Variants in CCDC197 observed in about 807,000 individuals in gnomAD.
CCDC197 encodes the protein coiled-coil domain containing 197, also known as uncharacterized protein CCDC197.
Under a neutral mutation model 13.4 loss-of-function variants are expected in CCDC197, and 24 were observed. The ratio of observed to expected loss-of-function variants is 1.80; its 90% CI spans 1.30 to 2.53. CCDC197 has a LOEUF of 2.53. Ranked by LOEUF, CCDC197 falls within the 30% of genes most tolerant of loss-of-function variation. The pLI, the probability that CCDC197 is intolerant of heterozygous loss-of-function variation, is 0.00. For synonymous variants in CCDC197, 99 were observed against 55.5 expected (o/e 1.78, Z -3.48); for missense variants, 255 against 148.8 (o/e 1.71, Z -3.71).
In CCDC197 at chr14:94,003,302, T is replaced by A. The variant is rs764423332; in HGVS notation, c.446T>A (p.Ile149Asn). Residue 149 changes from isoleucine (I) to asparagine (N), a missense_variant, in exon 5 of 7, where the codon ATC (isoleucine) becomes AAC (asparagine). Coordinates refer to ENST00000636493, the MANE Select transcript of CCDC197 (RefSeq NM_001351596.2). The surrounding 1 kb of genome is among the most constrained non-coding windows in gnomAD (Gnocchi z 5.0). ...QEQWWQLKHS[I>N]TYQKDIDFDT... The stretch of plus-strand genomic sequence containing the variant: ...CAGTGGTGGCAGCTGAAGCACAGCA[T>A]CACTTACCAGAAGGACATTGACTTT... The A allele has an allele frequency of 1.4e-6, 1 of 717,594 alleles. No homozygotes were observed. Among genetic ancestry groups the A allele is most frequent in the Non-Finnish European group, 2.6e-6 (1 of 378,444 alleles). 44.5% of individuals were successfully genotyped at this position (717,594 alleles called of 1,614,324 possible).
At chr14:94,008,405 G>A (rs1208109316) in intron 6 of CCDC197, among the ~76,000 whole-genome samples, 1 of 152,172 alleles carries the variant, frequency 6.6e-6, no homozygotes, top group Non-Finnish European at 1.5e-5. Flanking sequence ...TGTCACTCCT[G>A]GCTGTGCCAC....
rs1346531091 is a variant in CCDC197, at chr14:94,003,180, G to A, written c.367-43G>A. The stretch of plus-strand genomic sequence containing the variant: ...GGACTCAGACCAGGGCATATGCCCT[G>A]GAGGGTTTGTTGTACCAAGATGGCC... On this transcript the variant is annotated intron_variant, in intron 4 of 6. Transcript: ENST00000636493. The surrounding 1 kb of genome is among the most constrained non-coding windows in gnomAD (Gnocchi z 5.0). The A allele has an allele frequency of 2.6e-6, 2 of 769,876 alleles. No homozygotes were observed. Among genetic ancestry groups the A allele is most frequent in the Admixed American group, 1.7e-5 (1 of 58,342 alleles). 47.7% of individuals were successfully genotyped at this position (769,876 alleles called of 1,614,324 possible).
At chr14:93,987,835 A>C (rs1053185197) in intron 1 of CCDC197, among the ~76,000 whole-genome samples, 16 of 151,456 alleles carry the variant, frequency 1.1e-4, no homozygotes, top group African/African-American at 3.6e-4. Context: ...GCACAAATTA[A>C]ATGCCATGAG....
chr14:94,010,499 C>T (rs1890789960), downstream of CCDC197, among the ~76,000 whole-genome samples: 1 of 152,220 alleles, frequency 6.6e-6, no homozygotes, highest in African/African-American at 2.4e-5. Flanking sequence ...CCACTGTGCC[C>T]AGTGAGTAGT....
chr14:93,998,650 A>G (rs1890396899), intron 2 of CCDC197, among the ~76,000 whole-genome samples: 1 of 152,214 alleles, frequency 6.6e-6, no homozygotes, highest in South Asian at 2.1e-4. Context: ...GCTACCCACA[A>G]AAGCCTGAAT....
chr14:93,987,676 C>G (rs1006663971), intron 1 of CCDC197, among the ~76,000 whole-genome samples: 1 of 152,188 alleles, frequency 6.6e-6, no homozygotes, highest in Non-Finnish European at 1.5e-5. Context: ...GCCCCAGGTC[C>G]TCACCTGTGA....
At chr14:94,005,022 C>A in intron 6 of CCDC197, 51 bp downstream of exon 6, 1 of 688,520 alleles carries the variant, frequency 1.5e-6, no homozygotes, top group Non-Finnish European at 2.7e-6. Flanking sequence ...AGGCAAGACT[C>A]CAACTTGAGC....
chr14:93,999,778 G>A (rs1327116100), intron 3 of CCDC197, 113 bp downstream of exon 3: 1 of 694,722 alleles, frequency 1.4e-6, no homozygotes, highest in East Asian at 2.5e-5. Flanking sequence ...TCTACAGAAT[G>A]GGAATCCACA....
chr14:94,011,308 C>T (rs1890803918), downstream of CCDC197, among the ~76,000 whole-genome samples: 1 of 152,234 alleles, frequency 6.6e-6, no homozygotes, highest in Non-Finnish European at 1.5e-5. Flanking sequence ...GCCTGCTGTG[C>T]ACCTGTCGTG....
chr14:94,004,995 G>A, intron 6 of CCDC197, 24 bp downstream of exon 6: 1 of 699,614 alleles, frequency 1.4e-6, no homozygotes, highest in Non-Finnish European at 2.6e-6. Context: ...GATGGCTGCG[G>A]GGCTCCTGAC....
intron 2 of CCDC197, 137 bp from the exon 3 acceptor site, chr14:93,999,446 C>A (rs1890421914): frequency 1.1e-5 from 7 of 645,654 alleles, no homozygotes; most frequent in Non-Finnish European, 1.9e-5. Flanking sequence ...AAGTCTATGG[C>A]CAACTGATAA....
At chr14:93,991,710 C>T (rs4905132) in intron 1 of CCDC197, among the ~76,000 whole-genome samples, 1 of 151,962 alleles carries the variant, frequency 6.6e-6, no homozygotes, top group Non-Finnish European at 1.5e-5. Flanking sequence ...GGGTAAGCTG[C>T]GGTTGCGGTA....
chr14:93,990,508 C>G (rs1037234148), intron 1 of CCDC197, among the ~76,000 whole-genome samples: 16 of 152,224 alleles, frequency 1.1e-4, no homozygotes, highest in South Asian at 2.1e-4. Flanking sequence ...CTGAGCCACT[C>G]TCAGTTCCTG....
At chr14:93,995,071 C>A (rs1436468490), upstream of CCDC197, among the ~76,000 whole-genome samples, 2 of 152,170 alleles carry the variant, frequency 1.3e-5, no homozygotes, top group African/African-American at 2.4e-5. Flanking sequence ...GATGAATGAA[C>A]CCCTGCATGG....
At chr14:93,996,289 TA>T (rs757043061), upstream of CCDC197, among the ~76,000 whole-genome samples, 10 of 148,616 alleles carry the variant, frequency 6.7e-5, no homozygotes, top group Non-Finnish European at 1.0e-4. Flanking sequence ...CGAGGGGCTC[TA>T]GGACCATGGA....
chr14:93,991,843 C>G (rs1198855771), intron 1 of CCDC197, among the ~76,000 whole-genome samples: 1 of 152,158 alleles, frequency 6.6e-6, no homozygotes, highest in Non-Finnish European at 1.5e-5. Flanking sequence ...GGTGCAAAGG[C>G]CCTGCGGCCA....
intron 1 of CCDC197, among the ~76,000 whole-genome samples, chr14:93,989,888 C>T (rs960517110): frequency 6.6e-6 from 1 of 152,196 alleles, no homozygotes; most frequent in African/African-American, 2.4e-5. Context: ...TGGCAGTGTT[C>T]AGTTCCTTGC....
upstream of CCDC197, among the ~76,000 whole-genome samples, chr14:93,994,003 G>A (rs1415300103): frequency 6.6e-6 from 1 of 152,082 alleles, no homozygotes; most frequent in African/African-American, 2.4e-5. Context: ...CCCCTAATTA[G>A]GGAAGGGTGG....
At chr14:94,009,109 T>C (rs965385857), downstream of CCDC197, among the ~76,000 whole-genome samples, 4 of 152,192 alleles carry the variant, frequency 2.6e-5, no homozygotes, top group African/African-American at 9.7e-5. Flanking sequence ...CGGGGCTACA[T>C]CTCTCACTTT....
Sources: allele counts gnomAD v4.1 joint callset (sites outside exome capture counted in the v4.1 genomes callset), GRCh38; gene constraint gnomAD v4.1.1; non-coding constraint Gnocchi (gnomAD v3.1); transcripts MANE v1.5; gene names NCBI Gene and HGNC (gene_info 2026-07-23, HGNC 2026-07-21).